The following CLCN1 variants were observed in gnomAD, a reference collection of about 807,000 sequenced individuals.
CLCN1 encodes chloride voltage-gated channel 1, also known as chloride channel protein 1.
CLCN1 carries 100 observed loss-of-function variants against 114.5 expected under a neutral mutation model. That is an observed-to-expected ratio of 0.87 (90% CI 0.74 to 1.03). The LOEUF is 1.03. CLCN1 is among the 50% of genes least tolerant of loss of function. The probability of loss-of-function intolerance (pLI) is 0.00; values close to 1 mark genes in which losing one functional copy is unlikely to be tolerated. For missense variants in CLCN1, 1,188 were observed against 1,250.0 expected (o/e 0.95, Z 0.75); for synonymous variants, 485 against 487.1 (o/e 1.00, Z 0.06).
rs1469673699 is a variant in CLCN1, at chr7:143,324,396, C to G, written c.775-18C>G. ...CCCTCTCTTCCACCTGTTTCTCTGT[C>G]TGTCTCTCCCCTAGTAGCAGCCATA... On this transcript the variant is annotated intron_variant, in intron 6 of 22. Transcript: ENST00000343257. This position sits in a 1 kb window ranked among gnomAD's most constrained non-coding sequence, Gnocchi z 4.6. 1 of 1,600,614 alleles carries G rather than the reference C, an allele frequency of 6.2e-7. No homozygotes were observed. The highest frequency in any genetic ancestry group is 8.6e-7 in the Non-Finnish European group (1 of 1,167,970).
At chr7:143,342,688 T>C (rs1803119515) in intron 16 of CLCN1, among the ~76,000 whole-genome samples, 183 bp downstream of exon 16, 2 of 151,956 alleles carry the variant, frequency 1.3e-5, no homozygotes, top group African/African-American at 2.4e-5. Flanking sequence ...AATTAAAAGG[T>C]CCTGGCATGG....
intron 22 of CLCN1, among the ~76,000 whole-genome samples, chr7:143,351,030 G>A (rs1438490506): frequency 3.9e-5 from 6 of 152,090 alleles, no homozygotes; most frequent in Admixed American, 2.6e-4. Flanking sequence ...CGCCCGCCTC[G>A]GCTTCCCAAA....
chr7:143,317,937 C>T (rs948285966), intron 1 of CLCN1, among the ~76,000 whole-genome samples: 1 of 152,078 alleles, frequency 6.6e-6, no homozygotes, highest in African/African-American at 2.4e-5. Context: ...AGTAACAGTG[C>T]CATTATGGCA....
chr7:143,323,305 C>A lies in CLCN1; in HGVS notation c.697-4C>A. On this transcript the variant is annotated splice_region_variant and splice_polypyrimidine_tract_variant and intron_variant, in intron 5 of 22. Transcript: ENST00000343257. The stretch of plus-strand genomic sequence containing the variant: ...CCCCCGCCCCCTCGCTCCCCCTCTC[C>A]CAGGGCCCCTTCGTCCACATTGCCA... 1 of 1,607,814 alleles carries A rather than the reference C, an allele frequency of 6.2e-7. No homozygotes were observed. The highest frequency in any genetic ancestry group is 1.1e-5 in the South Asian group (1 of 90,964).
At chr7:143,334,074 G>A (rs1054720214) in intron 12 of CLCN1, among the ~76,000 whole-genome samples, 5 of 152,290 alleles carry the variant, frequency 3.3e-5, no homozygotes, top group African/African-American at 1.2e-4. Context: ...TTAACCAGGT[G>A]TGGTGGCACA....
intron 1 of CLCN1, 21 bp downstream of exon 1, chr7:143,316,413 A>G: frequency 6.2e-7 from 1 of 1,607,326 alleles, no homozygotes; most frequent in Non-Finnish European, 8.5e-7. Context: ...CTAAGGGGAG[A>G]GGGGAGCCAT....
At chr7:143,334,598 G>C (rs978086977) in intron 12 of CLCN1, among the ~76,000 whole-genome samples, 2 of 151,990 alleles carry the variant, frequency 1.3e-5, no homozygotes, top group Non-Finnish European at 2.9e-5. Flanking sequence ...ATTTTAAAAC[G>C]TTCTATTTTT....
intron 12 of CLCN1, among the ~76,000 whole-genome samples, chr7:143,335,412 C>G (rs1348753827): frequency 6.6e-6 from 1 of 152,134 alleles, no homozygotes; most frequent in Non-Finnish European, 1.5e-5. Context: ...ATAATATTTA[C>G]GAACATAAAA....
Position 143,324,511 on chromosome 7 carries a change from C to A in CLCN1, c.853+19C>A, listed in dbSNP as rs748877906. 2 of 1,597,020 alleles carry A rather than the reference C, an allele frequency of 1.3e-6. No homozygotes were observed. Among genetic ancestry groups the A allele is most frequent in the Non-Finnish European group, 1.7e-6 (2 of 1,164,540 alleles). ...CTTGGAGGCAAGTGATTGACCCCCTCCCCCATCAATCGGCTTGCCTGGCCT... is the reference window on the plus strand; with the variant it reads ...CTTGGAGGCAAGTGATTGACCCCCTACCCCATCAATCGGCTTGCCTGGCCT... On this transcript the variant is annotated intron_variant, in intron 7 of 22. Coordinates refer to ENST00000343257, the MANE Select transcript of CLCN1 (RefSeq NM_000083.3). The surrounding 1 kb of genome is among the most constrained non-coding windows in gnomAD (Gnocchi z 4.6).
chr7:143,346,688 G>A (rs1803259097), intron 19 of CLCN1, 30 bp downstream of exon 19: 2 of 1,570,534 alleles, frequency 1.3e-6, no homozygotes, highest in African/African-American at 1.3e-5. Flanking sequence ...GGGATACAGG[G>A]GAAAGGGAGC....
intron 12 of CLCN1, among the ~76,000 whole-genome samples, chr7:143,335,356 G>T (rs1235536668): frequency 2.0e-5 from 3 of 152,006 alleles, no homozygotes; most frequent in African/African-American, 7.3e-5. Flanking sequence ...ATACTTCCTG[G>T]GCTATATTTC....
Position 143,346,124 on chromosome 7 carries a change from T to C in CLCN1, c.2173-16T>C, listed in dbSNP as rs762306096. ...GTCTCTGCTCCCAGGCTGAGACTTC[T>C]TACTCTTCCTTACAGCTTCCTCCTT... On this transcript the variant is annotated splice_polypyrimidine_tract_variant and intron_variant, in intron 17 of 22. Transcript: ENST00000343257. 3 of 1,522,548 alleles carry C rather than the reference T, an allele frequency of 2.0e-6. No individual in the cohort carries two copies. Among genetic ancestry groups the C allele is most frequent in the Non-Finnish European group, 2.7e-6 (3 of 1,096,812 alleles). The allele number at this position is 1,522,548 out of a possible 1,614,324, so 94.3% of individuals were successfully genotyped here. A position where few individuals can be genotyped will look rare whatever the true frequency, so the allele number is the denominator to read the frequency against.
At chr7:143,318,206 T>TTTTTTG in intron 1 of CLCN1, among the ~76,000 whole-genome samples, 1 of 152,154 alleles carries the variant, frequency 6.6e-6, no homozygotes. Context: ...TGGAATACTT[T>TTTTTTG]TTTTTTGTTT....
At chr7:143,349,261 C>T (rs1027223195) in intron 20 of CLCN1, among the ~76,000 whole-genome samples, 2 of 152,162 alleles carry the variant, frequency 1.3e-5, no homozygotes, top group Admixed American at 1.3e-4. Flanking sequence ...GCTATGTAAC[C>T]TCTGTAATCC....
At chr7:143,342,229 G>A in intron 15 of CLCN1, 87 bp downstream of exon 15, 1 of 1,503,216 alleles carries the variant, frequency 6.7e-7, no homozygotes, top group South Asian at 1.1e-5. Flanking sequence ...GTTAAAGTTT[G>A]GAAACACTGT....
At chr7:143,322,601 C>A (rs1314934404) in intron 5 of CLCN1, among the ~76,000 whole-genome samples, 1 of 152,228 alleles carries the variant, frequency 6.6e-6, no homozygotes, top group Non-Finnish European at 1.5e-5. Flanking sequence ...TGGCTCACTG[C>A]AACCTCCACC....
chr7:143,350,539 A>G lies in CLCN1; in HGVS notation c.2509-29A>G. The G allele has an allele frequency of 1.2e-6, 2 of 1,611,332 alleles. No homozygotes were observed. Among genetic ancestry groups the G allele is most frequent in the Non-Finnish European group, 8.5e-7 (1 of 1,177,432 alleles). ...GCAGGAGAGCTGTGGGGCAAGGAAC[A>G]TGCACTGACCTGTGCTCTTCATCCT... On this transcript the variant is annotated intron_variant, in intron 21 of 22. Transcript: ENST00000343257. The surrounding 1 kb of genome is among the most constrained non-coding windows in gnomAD (Gnocchi z 5.1).
intron 20 of CLCN1, among the ~76,000 whole-genome samples, chr7:143,347,304 C>T (rs1803273129): frequency 6.6e-6 from 1 of 152,050 alleles, no homozygotes; most frequent in Non-Finnish European, 1.5e-5. Context: ...ACTAAAACAG[C>T]AACATAGAAG....
At position 143,352,038 on chromosome 7, in the gene CLCN1, G is replaced by A. The variant is rs1368453509; in HGVS notation, c.*73G>A. 6.3e-7 allele frequency: 1 copy of A among 1,599,162 alleles called. No individual in the cohort carries two copies. Among genetic ancestry groups the A allele is most frequent in the South Asian group, 1.1e-5 (1 of 90,322 alleles). ...AGGGTGAACTTGTGTGGGGCAGGGTGCGTCCTGAATGTGGCGAGGTCATGC... is the reference window on the plus strand; with the variant it reads ...AGGGTGAACTTGTGTGGGGCAGGGTACGTCCTGAATGTGGCGAGGTCATGC... On this transcript the variant is annotated 3_prime_UTR_variant, in exon 23 of 23. Coordinates refer to ENST00000343257, the MANE Select transcript of CLCN1 (RefSeq NM_000083.3).
Sources: allele counts gnomAD v4.1 joint callset (sites outside exome capture counted in the v4.1 genomes callset), GRCh38; gene constraint gnomAD v4.1.1; non-coding constraint Gnocchi (gnomAD v3.1); transcripts MANE v1.5; gene names NCBI Gene and HGNC (gene_info 2026-07-23, HGNC 2026-07-21).